Variants in MICU1 observed in about 807,000 individuals in gnomAD.
The protein encoded by MICU1 is mitochondrial calcium uptake 1.
A neutral mutation model predicts 56.8 loss-of-function variants in MICU1; 45 were observed. The observed-to-expected ratio is 0.79, with a 90% CI of 0.62 to 1.02. The LOEUF (loss-of-function observed/expected upper bound fraction) is 1.02. Ranked by LOEUF, MICU1 falls within the 50% of genes least tolerant of loss-of-function variation. The pLI is 0.00. For synonymous variants in MICU1, 186 were observed against 195.1 expected, an observed-to-expected ratio of 0.95 and a Z score of 0.39; for missense variants, 504 against 587.1, an observed-to-expected ratio of 0.86 and a Z score of 1.46.
chr10:72,471,081 T>C (rs1374798974), intron 8 of MICU1, among the ~76,000 whole-genome samples: 2 of 152,154 alleles, frequency 1.3e-5, no homozygotes, highest in Non-Finnish European at 2.9e-5. Flanking sequence ...CTCATGGGCA[T>C]GCTACACAAT....
chr10:72,619,316 G>A (rs754803212), intron 1 of MICU1, among the ~76,000 whole-genome samples: 1 of 151,908 alleles, frequency 6.6e-6, no homozygotes, highest in Non-Finnish European at 1.5e-5. Flanking sequence ...ATGGTGGCAG[G>A]CACCTGTAGT....
intron 5 of MICU1, among the ~76,000 whole-genome samples, chr10:72,527,833 T>TCA (rs370063175): frequency 6.6e-6 from 1 of 152,196 alleles, no homozygotes; most frequent in African/African-American, 2.4e-5. Flanking sequence ...ATTTCACTTT[T>TCA]CTTTTCTTTC....
chr10:72,447,733 G>A (rs745355905), intron 8 of MICU1, among the ~76,000 whole-genome samples: 9 of 152,100 alleles, frequency 5.9e-5, no homozygotes, highest in Non-Finnish European at 1.2e-4. Context: ...CATGTTCAAT[G>A]AATCTATCAT....
intron 6 of MICU1, among the ~76,000 whole-genome samples, chr10:72,503,349 G>A (rs1437722349): frequency 6.6e-6 from 1 of 152,130 alleles, no homozygotes; most frequent in Non-Finnish European, 1.5e-5. Context: ...TAAACAAGTG[G>A]TTCTCAGACA....
intron 8 of MICU1, among the ~76,000 whole-genome samples, chr10:72,458,466 G>A (rs746180745): frequency 1.1e-4 from 17 of 151,952 alleles, no homozygotes; most frequent in Non-Finnish European, 2.1e-4. Context: ...TATATATACC[G>A]CATTTATTTT....
chr10:72,575,178 TG>T (rs1392495326), intron 1 of MICU1, among the ~76,000 whole-genome samples: 2 of 152,152 alleles, frequency 1.3e-5, no homozygotes, highest in Non-Finnish European at 2.9e-5. Context: ...GGATTACAGG[TG>T]TGAGCCACCA....
chr10:72,601,951 C>A (rs1278505197), intron 1 of MICU1, among the ~76,000 whole-genome samples: 1 of 151,642 alleles, frequency 6.6e-6, no homozygotes, highest in African/African-American at 2.4e-5. Flanking sequence ...AGGAGAGTGC[C>A]ACCATGCCTG....
intron 1 of MICU1, among the ~76,000 whole-genome samples, chr10:72,569,237 A>ATATATATATATATATATT: frequency 5.8e-5 from 2 of 34,380 alleles, no homozygotes; most frequent in African/African-American, 2.3e-4. Flanking sequence ...ATATATATAT[A>ATATATATATATATATATT]TTTTTTTTTT....
At chr10:72,448,915 C>G (rs543265442) in intron 8 of MICU1, among the ~76,000 whole-genome samples, 1 of 152,134 alleles carries the variant, frequency 6.6e-6, no homozygotes. Flanking sequence ...CCTTGCTAGA[C>G]AATTAAGCTT....
At chr10:72,409,385 T>G (rs968474879) in intron 9 of MICU1, among the ~76,000 whole-genome samples, 1 of 152,178 alleles carries the variant, frequency 6.6e-6, no homozygotes, top group Non-Finnish European at 1.5e-5. Context: ...TCTCACCTTA[T>G]CAAACTGAAA....
intron 1 of MICU1, among the ~76,000 whole-genome samples, chr10:72,575,596 G>T (rs995196082): frequency 6.6e-6 from 1 of 152,016 alleles, no homozygotes; most frequent in Non-Finnish European, 1.5e-5. Context: ...TCACATCTTG[G>T]TAATTCTTGC....
intron 1 of MICU1, among the ~76,000 whole-genome samples, chr10:72,592,861 C>A (rs1841267100): frequency 4.0e-5 from 6 of 151,242 alleles, no homozygotes; most frequent in South Asian, 4.2e-4. Context: ...CGGCTCACTG[C>A]AACCTCTGCC....
intron 4 of MICU1, among the ~76,000 whole-genome samples, chr10:72,546,620 T>G (rs1036567165): frequency 9.9e-5 from 15 of 152,242 alleles, no homozygotes; most frequent in Non-Finnish European, 2.1e-4. Context: ...TCTAAAGTTT[T>G]TCTCTTAACG....
intron 8 of MICU1, among the ~76,000 whole-genome samples, chr10:72,469,627 T>C (rs983815485): frequency 1.3e-5 from 2 of 152,224 alleles, no homozygotes; most frequent in Non-Finnish European, 2.9e-5. Flanking sequence ...GTTGCCATAC[T>C]AGGTGGCAGT....
rs1483297604 is a variant in MICU1, at chr10:72,626,043, C to T, written c.-35G>A. 6.5e-6 allele frequency: 1 copy of T among 152,932 alleles called. No homozygotes were observed. Among genetic ancestry groups the T allele is most frequent in the Non-Finnish European group, 1.5e-5 (1 of 68,534 alleles). The allele number at this position is 152,932 out of a possible 1,614,324, so 9.5% of individuals were successfully genotyped here. A position where few individuals can be genotyped will look rare whatever the true frequency, so the allele number is the denominator to read the frequency against. The stretch of plus-strand genomic sequence containing the variant: ...ACACGAGCTCCAGCAGCCTCTCGGT[C>T]AAAGCCGCCCACCTCTGACAGCCAT... On this transcript the variant is annotated 5_prime_UTR_variant, in exon 1 of 12. It removes the in-frame stop codon of an upstream open reading frame in the 5' UTR. Transcript: ENST00000361114.
chr10:72,578,059 A>G (rs1330800033), intron 1 of MICU1, among the ~76,000 whole-genome samples: 1 of 152,164 alleles, frequency 6.6e-6, no homozygotes, highest in Non-Finnish European at 1.5e-5. Context: ...GTCCTATGTT[A>G]CAGAGAAATC....
rs764774604 is a variant in MICU1, at chr10:72,551,166, T to G, written c.493+13A>C. On this transcript the variant is annotated intron_variant, in intron 4 of 11. Coordinates refer to ENST00000361114, the MANE Select transcript of MICU1 (RefSeq NM_001195518.2). ...TAAATATCACAGTCTTATATTTCAC[T>G]TTAGCAACTTACGTTCTGGTTGTTT... 6.9e-6 allele frequency: 11 copies of G among 1,591,420 alleles called. No individual in the cohort carries two copies. In the Admixed American group the frequency reaches 2.0e-4, roughly 29 times the overall value.
intron 6 of MICU1, among the ~76,000 whole-genome samples, chr10:72,500,273 TATATATATATATATATATATATATATA>T (rs1866988631): frequency 1.9e-4 from 2 of 10,524 alleles, no homozygotes; most frequent in Non-Finnish European, 8.6e-4. Flanking sequence ...TATATATATA[TATATATATATATATATATATATATATA>T]TATTTTTTTT....
At chr10:72,542,328 T>C (rs907800676) in intron 4 of MICU1, among the ~76,000 whole-genome samples, 1 of 152,212 alleles carries the variant, frequency 6.6e-6, no homozygotes, top group African/African-American at 2.4e-5. Context: ...CAGTTGGCTG[T>C]AGATGGCCAA....
Sources: gnomAD v4.1 joint callset for allele counts (sites outside exome capture counted in the v4.1 genomes callset) on GRCh38, gnomAD v4.1.1 for gene constraint, MANE v1.5 for transcripts, NCBI Gene and HGNC (gene_info 2026-07-23, HGNC 2026-07-21) for gene names.